The following SGK1 variants were observed in gnomAD, a reference collection of about 807,000 sequenced individuals.
SGK1 encodes serum/glucocorticoid regulated kinase 1.
Under a neutral mutation model 64.2 loss-of-function variants are expected in SGK1, and 26 were observed. That is an observed-to-expected ratio of 0.40 (90% CI 0.30 to 0.56). The LOEUF is 0.56. Among genes scored for constraint, SGK1 ranks in the 20% least tolerant of loss-of-function variants. The pLI, the probability that SGK1 is intolerant of heterozygous loss-of-function variation, is 0.38. For synonymous variants in SGK1, 265 were observed against 239.7 expected (o/e 1.11, Z -0.98); for missense variants, 519 against 645.6 (o/e 0.80, Z 2.12).
chr6:134,291,333 C>A (rs559893574), intron 1 of SGK1, among the ~76,000 whole-genome samples: 1 of 152,170 alleles, frequency 6.6e-6, no homozygotes, highest in Admixed American at 6.6e-5. Context: ...TAGGCCCCAA[C>A]AGACCGGACT....
At chr6:134,191,407 C>G (rs751336110) in intron 3 of SGK1, among the ~76,000 whole-genome samples, 1 of 152,186 alleles carries the variant, frequency 6.6e-6, no homozygotes, top group African/African-American at 2.4e-5. Context: ...ACCATCTCTA[C>G]CACTGTCAAC....
chr6:134,291,642 T>C (rs578132618), intron 1 of SGK1, among the ~76,000 whole-genome samples: 19 of 152,340 alleles, frequency 1.2e-4, no homozygotes, highest in African/African-American at 4.6e-4. Flanking sequence ...TGTTTCTTTC[T>C]TCAGGCCTCC....
chr6:134,284,666 G>T (rs1046508311), intron 1 of SGK1, among the ~76,000 whole-genome samples: 1 of 151,926 alleles, frequency 6.6e-6, no homozygotes, highest in Non-Finnish European at 1.5e-5. Context: ...TGTATTTTTA[G>T]TTGAGACAGG....
At chr6:134,218,010 T>A (rs1358210242) in intron 2 of SGK1, among the ~76,000 whole-genome samples, 1 of 152,230 alleles carries the variant, frequency 6.6e-6, no homozygotes, top group Non-Finnish European at 1.5e-5. Context: ...TAAACTCTGG[T>A]CTACACAAGG....
chr6:134,306,717 G>A (rs1418676015), intron 1 of SGK1, among the ~76,000 whole-genome samples: 1 of 151,834 alleles, frequency 6.6e-6, no homozygotes. Context: ...TAGAGATGGG[G>A]TTTTGCCATG....
chr6:134,224,902 T>G (rs1440337865), intron 2 of SGK1, among the ~76,000 whole-genome samples: 3 of 148,782 alleles, frequency 2.0e-5, no homozygotes, highest in Non-Finnish European at 4.4e-5. Flanking sequence ...ATGCCTGTAA[T>G]CGCAGCCACT....
In SGK1 at chr6:134,212,968, A is replaced by C. The variant is rs564273744; in HGVS notation, c.286-5537T>G. On this transcript the variant is annotated intron_variant, in intron 2 of 13. Coordinates refer to ENST00000367858, the MANE Select transcript of SGK1 (RefSeq NM_001143676.3). ...CTATTTGTTCAATAAAATCTTCCCC[A>C]CGTTGAAGCTGCTCCTGATGAAGTC... Among the ~76,000 whole-genome samples the C allele has an allele frequency of 7.2e-5, 11 of 152,232 alleles. No individual in the cohort carries two copies. In the South Asian group the frequency reaches 2.3e-3, roughly 32 times the overall value.
chr6:134,175,025 C>A, intron 3 of SGK1: 1 of 893,334 alleles, frequency 1.1e-6, no homozygotes, highest in African/African-American at 1.8e-5. Flanking sequence ...GCGGTTCTGT[C>A]CCCATTGAGA....
rs547382373 is a variant in SGK1 at position 134,249,010 on chromosome 6, A to G, written c.285+12923T>C. 3.9e-5 allele frequency among the ~76,000 whole-genome samples: 6 copies of G among 151,954 alleles called. No individual in the cohort carries two copies. In the East Asian group the frequency reaches 1.2e-3, roughly 29 times the overall value. On this transcript the variant is annotated intron_variant, in intron 2 of 13. Transcript: ENST00000367858. Reference sequence around the variant, plus strand: ...TGGTTTCAGGCTCCTCTTTTTAATCATTTTTCTCATGTCAGTAATGAGAGC... The same window carrying G: ...TGGTTTCAGGCTCCTCTTTTTAATCGTTTTTCTCATGTCAGTAATGAGAGC...
intron 1 of SGK1, among the ~76,000 whole-genome samples, chr6:134,305,363 CAAAA>C (rs34637536): frequency 1.2e-4 from 8 of 65,620 alleles, no homozygotes; most frequent in Non-Finnish European, 1.4e-4. Context: ...TACTTCATCT[CAAAA>C]AAAAAAAAAA....
At chr6:134,214,030 T>C (rs975815513) in intron 2 of SGK1, among the ~76,000 whole-genome samples, 74 of 152,278 alleles carry the variant, frequency 4.9e-4, no homozygotes, top group African/African-American at 1.7e-3. Context: ...ACTTTTTGGC[T>C]GGAATATTTT....
At chr6:134,283,873 C>CGAA (rs1562274105) in intron 1 of SGK1, among the ~76,000 whole-genome samples, 1 of 26,128 alleles carries the variant, frequency 3.8e-5, no homozygotes, top group Non-Finnish European at 7.2e-5. Context: ...CTGCCACCAC[C>CGAA]AAAAAAAAAA....
At chr6:134,177,828 C>T (rs750720519) in intron 3 of SGK1, 3 of 1,610,640 alleles carry the variant, frequency 1.9e-6, no homozygotes, top group Non-Finnish European at 2.5e-6. Flanking sequence ...GACATGAGAG[C>T]ACGAGCCAGA....
intron 1 of SGK1, 93 bp from the exon 2 acceptor site, chr6:134,262,241 T>TC: frequency 1.2e-6 from 1 of 868,606 alleles, no homozygotes. Flanking sequence ...GGATGGGAGC[T>TC]CATGAAAGGA....
intron 2 of SGK1, among the ~76,000 whole-genome samples, chr6:134,238,361 G>A (rs189143440): frequency 1.3e-5 from 2 of 152,262 alleles, no homozygotes; most frequent in East Asian, 1.9e-4. Flanking sequence ...GCTTTTAAGA[G>A]GCCTATTAGC....
At chr6:134,266,700 C>T (rs140743247) in intron 1 of SGK1, among the ~76,000 whole-genome samples, 2,278 of 152,162 alleles carry the variant, frequency 0.015, 44 homozygotes, top group Admixed American at 0.017. Flanking sequence ...CTATAGGGCC[C>T]CTTAAGCATG....
chr6:134,243,179 T>G (rs1776474078), intron 2 of SGK1, among the ~76,000 whole-genome samples: 1 of 152,120 alleles, frequency 6.6e-6, no homozygotes, highest in Non-Finnish European at 1.5e-5. Context: ...TGATAATGAA[T>G]TAATAAGAAA....
At chr6:134,184,720 G>T (rs372255838) in intron 3 of SGK1, among the ~76,000 whole-genome samples, 10 of 152,054 alleles carry the variant, frequency 6.6e-5, no homozygotes, top group Non-Finnish European at 1.2e-4. Context: ...GTCTTGTTCT[G>T]TCCCGCAGTC....
intron 2 of SGK1, among the ~76,000 whole-genome samples, chr6:134,236,977 G>A (rs1452464678): frequency 2.0e-5 from 3 of 151,760 alleles, no homozygotes; most frequent in African/African-American, 7.3e-5. Flanking sequence ...CATCCCCAAG[G>A]TTGCTGCTGT....
Sources: allele counts gnomAD v4.1 joint callset (sites outside exome capture counted in the v4.1 genomes callset), GRCh38; gene constraint gnomAD v4.1.1; transcripts MANE v1.5; gene names NCBI Gene and HGNC (gene_info 2026-07-23, HGNC 2026-07-21).